CDK13: variants seen among roughly 807,000 people sequenced by gnomAD.
CDK13 encodes cyclin dependent kinase 13.
In CDK13, 40 loss-of-function variants were observed where a neutral mutation model predicts 137.6. The observed-to-expected ratio is 0.29, with a 90% CI of 0.23 to 0.38. CDK13 has a LOEUF of 0.38. CDK13 is among the 10% of genes least tolerant of loss of function. CDK13 has a pLI of 1.00. For missense variants in CDK13, 1,704 were observed against 1,951.8 expected (o/e 0.87, Z 2.39); for synonymous variants, 869 against 760.1 (o/e 1.14, Z -2.36).
At chr7:40,048,084 C>T (rs1373696228) in intron 7 of CDK13, 1 of 381,012 alleles carries the variant, frequency 2.6e-6, no homozygotes, top group East Asian at 3.8e-5. Flanking sequence ...AATTGATCTT[C>T]AACAGGTAAA....
intron 9 of CDK13, chr7:40,066,764 A>G (rs1786288892): frequency 6.6e-6 from 1 of 152,230 alleles, no homozygotes; most frequent in African/African-American, 2.4e-5. Flanking sequence ...AAGAGAGCTA[A>G]TACAGAATTC....
intron 1 of CDK13, chr7:39,987,285 A>G (rs746534075): frequency 2.6e-5 from 5 of 194,212 alleles, no homozygotes; most frequent in South Asian, 1.4e-4. Context: ...CCCTGCTGCT[A>G]CTACTACCAT....
intron 12 of CDK13, among the ~76,000 whole-genome samples, chr7:40,089,526 C>T (rs1786868769): frequency 1.3e-5 from 2 of 151,660 alleles, no homozygotes; most frequent in Admixed American, 6.6e-5. Flanking sequence ...ATAGAGTAAG[C>T]TTTTTGATGC....
At chr7:40,050,776 T>C (rs1166957785) in intron 7 of CDK13, among the ~76,000 whole-genome samples, 1 of 152,204 alleles carries the variant, frequency 6.6e-6, no homozygotes, top group Non-Finnish European at 1.5e-5. Flanking sequence ...GCTAAGCTGG[T>C]TGAGATTTCA....
chr7:39,958,377 G>T (rs1163900320), intron 1 of CDK13, among the ~76,000 whole-genome samples: 1 of 151,758 alleles, frequency 6.6e-6, no homozygotes, highest in South Asian at 2.1e-4. Flanking sequence ...TCACCTGTTT[G>T]CAAGCATAAT....
intron 1 of CDK13, among the ~76,000 whole-genome samples, chr7:39,961,106 C>T (rs377121001): frequency 6.6e-6 from 1 of 151,964 alleles, no homozygotes; most frequent in Non-Finnish European, 1.5e-5. Flanking sequence ...CGCCTGTAAT[C>T]CCAGCACTTT....
At chr7:40,054,512 C>T (rs904063133) in intron 7 of CDK13, among the ~76,000 whole-genome samples, 1 of 151,920 alleles carries the variant, frequency 6.6e-6, no homozygotes, top group African/African-American at 2.4e-5. Flanking sequence ...CTCAACCCAA[C>T]CTCTGTCTCC....
chr7:39,978,830 G>A (rs1479766933), intron 1 of CDK13, among the ~76,000 whole-genome samples: 2 of 152,212 alleles, frequency 1.3e-5, no homozygotes, highest in African/African-American at 2.4e-5. Context: ...GTATGAGATT[G>A]ATGCATTATA....
chr7:39,995,647 A>G (rs1377173049), intron 2 of CDK13, among the ~76,000 whole-genome samples: 2 of 152,224 alleles, frequency 1.3e-5, no homozygotes, highest in African/African-American at 4.8e-5. Flanking sequence ...GGAAGCTCAC[A>G]ACCAATATTT....
Position 40,098,635 on chromosome 7 carries a change from A to C in CDK13, c.*3655A>C, listed in dbSNP as rs1371167649. 1 of 152,148 alleles carries C rather than the reference A, an allele frequency of 6.6e-6. No individual in the cohort carries two copies. Among genetic ancestry groups the C allele is most frequent in the South Asian group, 2.1e-4 (1 of 4,822 alleles). The allele number at this position is 152,148 out of a possible 1,614,324, so 9.4% of individuals were successfully genotyped here. ...CGGTCTTCTTACTTTACAACTAAGA[A>C]AAATAAGGCTTAGAAAGAGGGATTG... On this transcript the variant is annotated 3_prime_UTR_variant, in exon 14 of 14. Coordinates refer to ENST00000181839, the MANE Select transcript of CDK13 (RefSeq NM_003718.5).
At chr7:39,986,691 A>T (rs1001117857) in intron 1 of CDK13, 4 of 152,212 alleles carry the variant, frequency 2.6e-5, no homozygotes, top group Non-Finnish European at 2.9e-5. Context: ...GAAAAGTATC[A>T]GAGCCTCAGA....
intron 9 of CDK13, chr7:40,071,555 A>G (rs1446860874): frequency 6.6e-6 from 1 of 152,188 alleles, no homozygotes; most frequent in South Asian, 2.1e-4. Context: ...ATAGTGTACT[A>G]TATTGAAATC....
chr7:39,988,692 T>C lies in CDK13; in HGVS notation c.1871+434T>C, dbSNP rs3800806. Reference sequence around the variant, plus strand: ...TTTATCACTGTCAGTGATTTTGTTATCACTTTTTAGTTTAGTCTTTTCTTA... The same window carrying C: ...TTTATCACTGTCAGTGATTTTGTTACCACTTTTTAGTTTAGTCTTTTCTTA... On this transcript the variant is annotated intron_variant, in intron 2 of 13. Coordinates refer to ENST00000181839, the MANE Select transcript of CDK13 (RefSeq NM_003718.5). Among the ~76,000 whole-genome samples the C allele has an allele frequency of 9.1e-3, 1,380 of 152,320 alleles. 62 individuals carry two copies. In the East Asian group the frequency reaches 0.14, roughly 16 times the overall value.
chr7:40,072,305 T>G (rs1044903049), intron 9 of CDK13: 1 of 152,266 alleles, frequency 6.6e-6, no homozygotes, highest in African/African-American at 2.4e-5. Flanking sequence ...TTTTGTATTT[T>G]CAGTAGAGAC....
intron 7 of CDK13, among the ~76,000 whole-genome samples, chr7:40,060,512 A>G (rs1327871142): frequency 6.6e-6 from 1 of 152,142 alleles, no homozygotes; most frequent in Non-Finnish European, 1.5e-5. Context: ...AGAGGGCAAT[A>G]TACATTAAGG....
intron 5 of CDK13, among the ~76,000 whole-genome samples, chr7:40,035,304 C>T (rs372226510): frequency 3.2e-4 from 48 of 152,258 alleles, no homozygotes; most frequent in African/African-American, 1.0e-3. Flanking sequence ...TGAAAAACAT[C>T]GCCTTAAACC....
chr7:40,009,652 A>G (rs2116358644), intron 5 of CDK13, among the ~76,000 whole-genome samples: 1 of 152,312 alleles, frequency 6.6e-6, no homozygotes, highest in East Asian at 1.9e-4. Context: ...GAATTGATAG[A>G]CCGAAGTTTT....
intron 1 of CDK13, among the ~76,000 whole-genome samples, chr7:39,966,707 A>C (rs4723923): frequency 0.091 from 13,859 of 151,936 alleles, 1,052 homozygotes; most frequent in East Asian, 0.36. Flanking sequence ...TAGATTTTTC[A>C]GTTTTTCCGC....
chr7:39,973,350 C>G (rs997077892), intron 1 of CDK13, among the ~76,000 whole-genome samples: 2 of 152,098 alleles, frequency 1.3e-5, no homozygotes, highest in Admixed American at 1.3e-4. Flanking sequence ...GCTGCCCAGT[C>G]TGGTCTCAAA....
Sources: allele counts gnomAD v4.1 joint callset (sites outside exome capture counted in the v4.1 genomes callset), GRCh38; gene constraint gnomAD v4.1.1; transcripts MANE v1.5; gene names NCBI Gene and HGNC (gene_info 2026-07-23, HGNC 2026-07-21).